Variants in COL8A1 observed in about 807,000 individuals in gnomAD.
COL8A1 encodes collagen type VIII alpha 1 chain, also known as collagen alpha-1(VIII) chain.
In COL8A1, 21 loss-of-function variants were observed where a neutral mutation model predicts 42.7. The observed-to-expected ratio is 0.49, with a 90% confidence interval of 0.35 to 0.71. The LOEUF is 0.71. COL8A1 is among the 30% of genes least tolerant of loss of function. The pLI is 0.01. For synonymous variants in COL8A1, 367 were observed against 369.1 expected (o/e 0.99, Z 0.06); for missense variants, 788 against 962.4 (o/e 0.82, Z 2.40).
intron 2 of COL8A1, among the ~76,000 whole-genome samples, chr3:99,752,247 A>G (rs1260766881): frequency 6.6e-6 from 1 of 152,198 alleles, no homozygotes; most frequent in African/African-American, 2.4e-5. Context: ...TCTGTAAAGT[A>G]GAAATAAGAG....
At chr3:99,643,682 G>A (rs765623156) in intron 1 of COL8A1, among the ~76,000 whole-genome samples, 1 of 152,124 alleles carries the variant, frequency 6.6e-6, no homozygotes, top group Non-Finnish European at 1.5e-5. Flanking sequence ...CCTTAGCAAT[G>A]GCTAAGCCGT....
At chr3:99,724,960 C>T (rs777022014) in intron 1 of COL8A1, among the ~76,000 whole-genome samples, 2 of 152,076 alleles carry the variant, frequency 1.3e-5, no homozygotes, top group East Asian at 1.9e-4. Context: ...GATTTTATTA[C>T]GTGATCTTAA....
chr3:99,654,883 GT>G (rs1291165181), intron 1 of COL8A1, among the ~76,000 whole-genome samples: 3 of 151,914 alleles, frequency 2.0e-5, no homozygotes, highest in Admixed American at 6.6e-5. Context: ...ACCATAAGAG[GT>G]TTTTTTTAAG....
At chr3:99,678,652 T>C (rs906852522) in intron 1 of COL8A1, 15 of 151,248 alleles carry the variant, frequency 9.9e-5, no homozygotes, top group Admixed American at 8.6e-4. Context: ...ATGTGTGCTA[T>C]AAAAAAAAAT....
intron 1 of COL8A1, among the ~76,000 whole-genome samples, chr3:99,735,976 T>G (rs1940699711): frequency 1.3e-5 from 2 of 152,196 alleles, no homozygotes; most frequent in South Asian, 4.2e-4. Context: ...TAGTTTGTAT[T>G]TCTGTGGGAT....
intron 2 of COL8A1, among the ~76,000 whole-genome samples, chr3:99,752,416 C>T (rs1039627864): frequency 6.6e-6 from 1 of 152,026 alleles, no homozygotes; most frequent in Non-Finnish European, 1.5e-5. Context: ...CTACTACTCC[C>T]TTCCCTTCAA....
intron 1 of COL8A1, among the ~76,000 whole-genome samples, chr3:99,689,837 C>G (rs1939166192): frequency 6.6e-6 from 1 of 152,176 alleles, no homozygotes; most frequent in African/African-American, 2.4e-5. Context: ...ATTCAACTTC[C>G]TCACAGACGA....
intron 1 of COL8A1, among the ~76,000 whole-genome samples, chr3:99,664,496 A>C (rs1385201723): frequency 2.6e-5 from 4 of 152,084 alleles, no homozygotes; most frequent in Non-Finnish European, 5.9e-5. Flanking sequence ...AAAAAAATAA[A>C]ATAAAAAAAA....
intron 1 of COL8A1, among the ~76,000 whole-genome samples, chr3:99,671,751 A>C (rs548499116): frequency 6.6e-6 from 1 of 152,042 alleles, no homozygotes; most frequent in African/African-American, 2.4e-5. Context: ...ATTATGGGAA[A>C]CAGTAAGAAG....
chr3:99,789,174 A>G (rs1029821185), intron 2 of COL8A1, among the ~76,000 whole-genome samples: 4 of 152,184 alleles, frequency 2.6e-5, no homozygotes, highest in Non-Finnish European at 5.9e-5. Flanking sequence ...TGTAGCCTGT[A>G]TACACTCTTG....
intron 1 of COL8A1, among the ~76,000 whole-genome samples, chr3:99,654,753 A>C (rs1359191314): frequency 2.0e-5 from 3 of 151,528 alleles, no homozygotes; most frequent in Non-Finnish European, 4.4e-5. Context: ...GTGCCACTAC[A>C]CTCCAGCCTG....
At chr3:99,652,169 C>T (rs1281271261) in intron 1 of COL8A1, among the ~76,000 whole-genome samples, 1 of 152,080 alleles carries the variant, frequency 6.6e-6, no homozygotes, top group Non-Finnish European at 1.5e-5. Context: ...AGGAAGAATC[C>T]ATGACTCCTT....
At chr3:99,660,744 GC>G (rs1251789469) in intron 1 of COL8A1, among the ~76,000 whole-genome samples, 1 of 152,126 alleles carries the variant, frequency 6.6e-6, no homozygotes, top group African/African-American at 2.4e-5. Context: ...TAAAGTAAGA[GC>G]TTTTTACCCT....
intron 1 of COL8A1, among the ~76,000 whole-genome samples, chr3:99,671,257 A>G (rs1325710000): frequency 6.6e-6 from 1 of 152,050 alleles, no homozygotes; most frequent in African/African-American, 2.4e-5. Flanking sequence ...ATAATTCTTC[A>G]GATGTGGTAA....
At chr3:99,651,919 T>C (rs1937859381) in intron 1 of COL8A1, among the ~76,000 whole-genome samples, 1 of 152,216 alleles carries the variant, frequency 6.6e-6, no homozygotes, top group Non-Finnish European at 1.5e-5. Context: ...TAAAAGACTT[T>C]ATCCTGCTGT....
Position 99,744,946 on chromosome 3 carries a change from C to T in COL8A1, c.-79C>T, listed in dbSNP as rs149887210. ...ATCTGCTGAAGAGACAGAAACCAGC[C>T]CCAGAGGTGTCACAGGAAGGCACCA... On this transcript the variant is annotated 5_prime_UTR_variant, in exon 2 of 4. Transcript: ENST00000652472. The T allele has an allele frequency of 3.3e-5, 5 of 152,228 alleles. No homozygotes were observed. The highest frequency in any genetic ancestry group is 7.2e-5 in the African/African-American group (3 of 41,518). 9.4% of individuals were successfully genotyped at this position (152,228 alleles called of 1,614,324 possible).
intron 1 of COL8A1, among the ~76,000 whole-genome samples, chr3:99,704,962 G>A (rs1379401432): frequency 1.3e-5 from 2 of 152,130 alleles, no homozygotes; most frequent in Non-Finnish European, 2.9e-5. Flanking sequence ...AGGGCAGCAG[G>A]AAGGGACTAG....
intron 1 of COL8A1, among the ~76,000 whole-genome samples, chr3:99,721,403 AAAAGGGG>A (rs1450752896): frequency 3.0e-5 from 4 of 133,990 alleles, no homozygotes; most frequent in African/African-American, 8.6e-5. Context: ...AGGAAAAAGG[AAAAGGGG>A]AAAGGGGAAA....
At chr3:99,694,438 T>C (rs1455055463) in intron 1 of COL8A1, among the ~76,000 whole-genome samples, 2 of 151,056 alleles carry the variant, frequency 1.3e-5, no homozygotes, top group Admixed American at 1.3e-4. Context: ...ATCGCACCAC[T>C]CCACTCCAGT....
Sources: allele counts gnomAD v4.1 joint callset (sites outside exome capture counted in the v4.1 genomes callset), GRCh38; gene constraint gnomAD v4.1.1; transcripts MANE v1.5; gene names NCBI Gene and HGNC (gene_info 2026-07-23, HGNC 2026-07-21).